ACBD6: variants seen among roughly 807,000 people sequenced by gnomAD.
ACBD6 encodes the protein acyl-CoA-binding domain-containing protein 6.
In ACBD6, 28 loss-of-function variants were observed where a neutral mutation model predicts 37.2. That is an observed-to-expected ratio of 0.75 (90% CI 0.56 to 1.03). The LOEUF (loss-of-function observed/expected upper bound fraction) is 1.03, where lower values mean the gene tolerates loss of function less well. Ranked by LOEUF, ACBD6 falls within the 50% of genes least tolerant of loss-of-function variation. The pLI is 0.00. For missense variants in ACBD6, 340 were observed against 337.4 expected (o/e 1.01, Z -0.06); for synonymous variants, 113 against 126.8 (o/e 0.89, Z 0.73).
chr1:180,346,279 T>C (rs1422213881), intron 6 of ACBD6, among the ~76,000 whole-genome samples: 3 of 152,326 alleles, frequency 2.0e-5, no homozygotes, highest in South Asian at 4.1e-4. Context: ...TGAATTTTGA[T>C]GTAGCTACTC....
chr1:180,468,170 A>C (rs1650422134), intron 3 of ACBD6, among the ~76,000 whole-genome samples: 1 of 152,182 alleles, frequency 6.6e-6, no homozygotes, highest in South Asian at 2.1e-4. Flanking sequence ...AGAAAAAAGG[A>C]ATCATCTGCC....
intron 7 of ACBD6, among the ~76,000 whole-genome samples, chr1:180,308,660 G>T (rs190046089): frequency 2.1e-3 from 323 of 152,236 alleles, no homozygotes; most frequent in African/African-American, 7.5e-3. Flanking sequence ...GCCTTTTGAA[G>T]GTCCTGGCTC....
chr1:180,473,670 C>T (rs1167631537), intron 3 of ACBD6, among the ~76,000 whole-genome samples: 1 of 152,066 alleles, frequency 6.6e-6, no homozygotes. Context: ...GAATACAAGT[C>T]AGTAATATAT....
At chr1:180,312,772 A>G (rs1364687626) in intron 7 of ACBD6, among the ~76,000 whole-genome samples, 1 of 152,224 alleles carries the variant, frequency 6.6e-6, no homozygotes, top group African/African-American at 2.4e-5. Flanking sequence ...TATTGAGTAT[A>G]TGCCAGGTGT....
intron 6 of ACBD6, among the ~76,000 whole-genome samples, chr1:180,388,334 T>C (rs776212303): frequency 3.3e-5 from 5 of 152,150 alleles, no homozygotes; most frequent in African/African-American, 7.2e-5. Context: ...CTGAACTGAA[T>C]AGGAAGAACA....
At chr1:180,414,209 G>T (rs1274046283) in intron 4 of ACBD6, among the ~76,000 whole-genome samples, 4 of 152,138 alleles carry the variant, frequency 2.6e-5, no homozygotes, top group Non-Finnish European at 5.9e-5. Context: ...GTTTCAATCG[G>T]ATTCTCAAAA....
intron 6 of ACBD6, among the ~76,000 whole-genome samples, chr1:180,342,399 T>C (rs935785300): frequency 2.0e-5 from 3 of 152,174 alleles, no homozygotes; most frequent in Non-Finnish European, 2.9e-5. Context: ...TTATCTTAAA[T>C]TATTATCTAA....
intron 6 of ACBD6, among the ~76,000 whole-genome samples, chr1:180,354,480 A>G (rs1358874096): frequency 1.3e-5 from 2 of 152,182 alleles, no homozygotes; most frequent in Non-Finnish European, 2.9e-5. Context: ...AATGTTTAAA[A>G]ACATGAAAAG....
chr1:180,306,888 C>A (rs1650403181), intron 7 of ACBD6, among the ~76,000 whole-genome samples: 1 of 152,122 alleles, frequency 6.6e-6, no homozygotes, highest in African/African-American at 2.4e-5. Flanking sequence ...GAAAAGGGAG[C>A]CCTTGTACAC....
intron 5 of ACBD6, among the ~76,000 whole-genome samples, chr1:180,409,802 T>A (rs982742056): frequency 2.0e-5 from 3 of 152,112 alleles, no homozygotes; most frequent in Non-Finnish European, 2.9e-5. Flanking sequence ...AAGTTTCAAG[T>A]AAAACCTAGT....
intron 6 of ACBD6, among the ~76,000 whole-genome samples, chr1:180,318,620 T>G (rs1315074623): frequency 6.6e-6 from 1 of 152,184 alleles, no homozygotes; most frequent in African/African-American, 2.4e-5. Context: ...AGCGGGATTT[T>G]TGAAAACTTA....
intron 1 of ACBD6, among the ~76,000 whole-genome samples, chr1:180,496,428 T>G (rs1651741430): frequency 6.6e-6 from 1 of 152,194 alleles, no homozygotes. Context: ...ACAGAACCTA[T>G]CTACTTCTCA....
chr1:180,500,001 A>C (rs181750919), intron 1 of ACBD6, among the ~76,000 whole-genome samples: 1 of 152,228 alleles, frequency 6.6e-6, no homozygotes, highest in East Asian at 1.9e-4. Context: ...TAATAACAGT[A>C]CTTCAGGAGG....
At chr1:180,412,577 A>G (rs554316174) in intron 5 of ACBD6, among the ~76,000 whole-genome samples, 1 of 152,326 alleles carries the variant, frequency 6.6e-6, no homozygotes, top group Admixed American at 6.5e-5. Flanking sequence ...TAAATTAAGA[A>G]GTAATACACA....
chr1:180,332,339 G>T (rs1436871730), intron 6 of ACBD6, among the ~76,000 whole-genome samples: 1 of 152,064 alleles, frequency 6.6e-6, no homozygotes, highest in Non-Finnish European at 1.5e-5. Flanking sequence ...TTAAAACAGG[G>T]GTCCCCAATC....
intron 1 of ACBD6, among the ~76,000 whole-genome samples, chr1:180,496,100 T>C (rs1651729410): frequency 6.6e-6 from 1 of 152,170 alleles, no homozygotes; most frequent in South Asian, 2.1e-4. Context: ...ACAATTCCGT[T>C]TTTCTACAAT....
chr1:180,401,185 A>G (rs1647344430), intron 5 of ACBD6, among the ~76,000 whole-genome samples: 1 of 152,204 alleles, frequency 6.6e-6, no homozygotes, highest in Admixed American at 6.5e-5. Context: ...AACACTGGAG[A>G]GCCCTGAATA....
At chr1:180,281,381 A>C (rs994484799) in exon 9 of ACBD6, 2 of 152,192 alleles carry the variant, frequency 1.3e-5, no homozygotes, top group African/African-American at 4.8e-5. Flanking sequence ...CCAGGATTCT[A>C]CTCAGCTAAA....
At chr1:180,321,513 G>C (rs908461725) in intron 6 of ACBD6, among the ~76,000 whole-genome samples, 3 of 151,742 alleles carry the variant, frequency 2.0e-5, no homozygotes, top group Non-Finnish European at 2.9e-5. Flanking sequence ...CACTTCTTTG[G>C]TTAATTCCTG....
Sources: allele counts gnomAD v4.1 joint callset (sites outside exome capture counted in the v4.1 genomes callset), GRCh38; gene constraint gnomAD v4.1.1; transcripts MANE v1.5; gene names NCBI Gene and HGNC (gene_info 2026-07-23, HGNC 2026-07-21).